Variants in MEIS1 observed in about 807,000 individuals in gnomAD.
MEIS1 encodes homeobox protein Meis1.
A neutral mutation model predicts 50.8 loss-of-function variants in MEIS1; 5 were observed. That is an observed-to-expected ratio of 0.10 (90% CI 0.05 to 0.21). The LOEUF (loss-of-function observed/expected upper bound fraction) is 0.21, where lower values mean the gene tolerates loss of function less well. Among genes scored for constraint, MEIS1 ranks in the 10% least tolerant of loss-of-function variants. The pLI is 1.00. For synonymous variants in MEIS1, 176 were observed against 179.3 expected, an observed-to-expected ratio of 0.98 and a Z score of 0.15; for missense variants, 318 against 517.3, an observed-to-expected ratio of 0.61 and a Z score of 3.74.
At chr2:66,545,106 G>T (rs1416812538) in intron 8 of MEIS1, among the ~76,000 whole-genome samples, 1 of 151,980 alleles carries the variant, frequency 6.6e-6, no homozygotes, top group Admixed American at 6.6e-5. Flanking sequence ...AAAGATAAAT[G>T]GTATAAATAA....
intron 7 of MEIS1, among the ~76,000 whole-genome samples, chr2:66,486,708 A>G (rs984276773): frequency 1.1e-4 from 17 of 152,098 alleles, no homozygotes; most frequent in Non-Finnish European, 2.1e-4. Flanking sequence ...CATATTCACG[A>G]TATTGATTCT....
chr2:66,555,699 C>G (rs1014026796), intron 9 of MEIS1, among the ~76,000 whole-genome samples: 1 of 152,104 alleles, frequency 6.6e-6, no homozygotes, highest in South Asian at 2.1e-4. Context: ...GGTGATTAAC[C>G]GTTAAGCACG....
chr2:66,515,708 G>A (rs775289913), intron 8 of MEIS1, among the ~76,000 whole-genome samples: 3 of 152,146 alleles, frequency 2.0e-5, no homozygotes, highest in South Asian at 2.1e-4. Context: ...TGGCAGAGTC[G>A]ATAAGTAGAG....
chr2:66,557,901 C>CA (rs1351062820), intron 9 of MEIS1, among the ~76,000 whole-genome samples: 2 of 152,162 alleles, frequency 1.3e-5, no homozygotes, highest in African/African-American at 4.8e-5. Context: ...ACTCAGTTCT[C>CA]ATATTCTTCT....
intron 10 of MEIS1, 110 bp downstream of exon 10, chr2:66,567,621 C>T (rs1457485921): frequency 1.1e-5 from 10 of 936,506 alleles, no homozygotes; most frequent in Middle Eastern, 2.1e-4. Context: ...AGTATAGGAA[C>T]GCCTGGCAAT....
intron 6 of MEIS1, among the ~76,000 whole-genome samples, chr2:66,448,136 G>A (rs1672195292): frequency 6.6e-6 from 1 of 152,158 alleles, no homozygotes; most frequent in African/African-American, 2.4e-5. Context: ...AGGAAGAAGA[G>A]AAGAGAAGGG....
At chr2:66,569,249 T>TCA in intron 12 of MEIS1, 104 bp downstream of exon 12, 1 of 969,534 alleles carries the variant, frequency 1.0e-6, no homozygotes, top group Non-Finnish European at 1.5e-6. Context: ...TGTTCATTCC[T>TCA]TTCCATTAAA....
At chr2:66,527,955 T>G (rs1320585930) in intron 8 of MEIS1, among the ~76,000 whole-genome samples, 1 of 152,128 alleles carries the variant, frequency 6.6e-6, no homozygotes, top group Non-Finnish European at 1.5e-5. Flanking sequence ...GAACGTTCTA[T>G]GATGTTTGAA....
chr2:66,476,218 G>A (rs1250978385), intron 7 of MEIS1, among the ~76,000 whole-genome samples: 1 of 152,152 alleles, frequency 6.6e-6, no homozygotes, highest in Admixed American at 6.5e-5. Context: ...CCTTAAAAAT[G>A]AAAGTTCTGA....
At chr2:66,460,739 T>TTTGTTGTTG (rs533926214) in intron 6 of MEIS1, among the ~76,000 whole-genome samples, 1 of 151,732 alleles carries the variant, frequency 6.6e-6, no homozygotes, top group African/African-American at 2.4e-5. Context: ...CAACAACTTC[T>TTTGTTGTTG]TTGTTGTTGT....
At position 66,435,281 on chromosome 2, in the gene MEIS1, T is replaced by G. The variant is rs1671773042; in HGVS notation, c.-576T>G. 1 of 153,452 alleles carries G rather than the reference T, an allele frequency of 6.5e-6. No homozygotes were observed. The highest frequency in any genetic ancestry group is 2.1e-4 in the South Asian group (1 of 4,810). 9.5% of individuals were successfully genotyped at this position (153,452 alleles called of 1,614,324 possible). ...TCTAATCTCCTTCCAGTGCAGCACT[T>G]GCAAAGAGGGAGAGAGAGGGAGAGA... On this transcript the variant is annotated 5_prime_UTR_variant, in exon 1 of 13. Transcript: ENST00000272369.
intron 7 of MEIS1, among the ~76,000 whole-genome samples, chr2:66,509,286 A>G (rs1415384065): frequency 1.3e-5 from 2 of 152,130 alleles, no homozygotes; most frequent in Non-Finnish European, 2.9e-5. Context: ...CATCTTCTCC[A>G]TTTCCCTAAC....
chr2:66,462,013 T>G, intron 6 of MEIS1: 1 of 396,736 alleles, frequency 2.5e-6, no homozygotes, highest in Non-Finnish European at 5.1e-6. Context: ...TGAATTAATC[T>G]ACATCCTGCA....
intron 8 of MEIS1, among the ~76,000 whole-genome samples, chr2:66,526,695 A>G (rs944919473): frequency 1.3e-5 from 2 of 152,238 alleles, no homozygotes; most frequent in Non-Finnish European, 2.9e-5. Flanking sequence ...AAATTTTCAC[A>G]AAGAATTAAA....
At chr2:66,560,250 GCAT>G (rs1375467031) in intron 9 of MEIS1, among the ~76,000 whole-genome samples, 1 of 151,668 alleles carries the variant, frequency 6.6e-6, no homozygotes, top group Non-Finnish European at 1.5e-5. Flanking sequence ...ATATTACTTT[GCAT>G]CATCATTGTC....
At chr2:66,537,103 G>A (rs997134170) in intron 8 of MEIS1, among the ~76,000 whole-genome samples, 3 of 152,130 alleles carry the variant, frequency 2.0e-5, no homozygotes, top group Admixed American at 2.0e-4. Flanking sequence ...TGTTAGCTGG[G>A]CTTCAATCCA....
chr2:66,538,981 G>A (rs369760315), intron 8 of MEIS1, among the ~76,000 whole-genome samples: 7 of 152,218 alleles, frequency 4.6e-5, no homozygotes, highest in South Asian at 2.1e-4. Flanking sequence ...TCCGCCTCCC[G>A]GGTTCAAGCG....
intron 7 of MEIS1, among the ~76,000 whole-genome samples, chr2:66,511,036 G>A (rs112011679): frequency 0.031 from 4,685 of 151,976 alleles, 237 homozygotes; most frequent in African/African-American, 0.1. Flanking sequence ...TCATTTCTAA[G>A]CCTGGCTGCT....
At chr2:66,558,165 G>A (rs1675116152) in intron 9 of MEIS1, among the ~76,000 whole-genome samples, 1 of 150,746 alleles carries the variant, frequency 6.6e-6, no homozygotes, top group South Asian at 2.1e-4. Context: ...TGTAATCCCA[G>A]CTACTTGGGA....
Sources: allele counts gnomAD v4.1 joint callset (sites outside exome capture counted in the v4.1 genomes callset), GRCh38; gene constraint gnomAD v4.1.1; transcripts MANE v1.5; gene names NCBI Gene and HGNC (gene_info 2026-07-23, HGNC 2026-07-21).